The following PDE7B variants were observed in gnomAD, a reference collection of about 807,000 sequenced individuals.
PDE7B encodes the protein 3',5'-cyclic-AMP phosphodiesterase 7B.
In PDE7B, 29 loss-of-function variants were observed where a neutral mutation model predicts 56.2. The ratio of observed to expected loss-of-function variants is 0.52; its 90% CI spans 0.38 to 0.70. PDE7B has a LOEUF of 0.70. Among genes scored for constraint, PDE7B ranks in the 30% least tolerant of loss-of-function variants. PDE7B has a pLI of 0.00. For synonymous variants in PDE7B, 197 were observed against 196.9 expected, an observed-to-expected ratio of 1.00 and a Z score of 0.00; for missense variants, 490 against 565.0, an observed-to-expected ratio of 0.87 and a Z score of 1.35.
intron 2 of PDE7B, among the ~76,000 whole-genome samples, chr6:136,052,210 G>T (rs1776642019): frequency 6.6e-6 from 1 of 152,166 alleles, no homozygotes; most frequent in Non-Finnish European, 1.5e-5. Flanking sequence ...AAAGTAGGAG[G>T]AAAGAGAAGA....
chr6:136,068,810 A>T (rs1331174684), intron 2 of PDE7B, among the ~76,000 whole-genome samples: 2 of 152,126 alleles, frequency 1.3e-5, no homozygotes, highest in Non-Finnish European at 2.9e-5. Context: ...TCTTAATCAC[A>T]CTTTAAAAGG....
chr6:136,048,142 T>C (rs1011380520), intron 2 of PDE7B, among the ~76,000 whole-genome samples: 48 of 151,492 alleles, frequency 3.2e-4, no homozygotes, highest in African/African-American at 1.1e-3. Flanking sequence ...ATATACTAAA[T>C]GTGCATACAC....
chr6:135,851,743 C>G lies in PDE7B; in HGVS notation c.-256C>G. On this transcript the variant is annotated 5_prime_UTR_variant, in exon 1 of 13. Transcript: ENST00000308191. ...CAGCAGGCTCGGCTCTGTCCCAGCA[C>G]TTGTCTGGGAGAAAAGTGGTGTTAC... The G allele has an allele frequency of 4.2e-6, 2 of 473,710 alleles. No individual in the cohort carries two copies. Among genetic ancestry groups the G allele is most frequent in the Non-Finnish European group, 7.5e-6 (2 of 266,074 alleles). 29.3% of individuals were successfully genotyped at this position (473,710 alleles called of 1,614,324 possible).
chr6:136,140,402 C>T (rs1228713406), intron 3 of PDE7B, among the ~76,000 whole-genome samples: 2 of 152,104 alleles, frequency 1.3e-5, no homozygotes, highest in African/African-American at 2.4e-5. Context: ...AGTCAGGTAG[C>T]ATGATGCCTC....
chr6:136,133,641 C>A (rs1778157529), intron 3 of PDE7B, among the ~76,000 whole-genome samples: 1 of 152,068 alleles, frequency 6.6e-6, no homozygotes, highest in African/African-American at 2.4e-5. Flanking sequence ...CAGTAAACAC[C>A]TTTTCGGTAA....
At chr6:135,947,136 G>T (rs1460467758) in intron 1 of PDE7B, among the ~76,000 whole-genome samples, 1 of 152,080 alleles carries the variant, frequency 6.6e-6, no homozygotes. Context: ...ATTAGCCGCA[G>T]ATTATTGGGC....
chr6:136,054,535 C>T lies in PDE7B; in HGVS notation c.83-54196C>T, dbSNP rs761477470. ...TTGGCTTAGGATTGACTTGGCAATG[C>T]GAGCCCTTTTTTGGTTCCATATGAA... On this transcript the variant is annotated intron_variant, in intron 2 of 12. Transcript: ENST00000308191. 3.2e-4 allele frequency among the ~76,000 whole-genome samples: 48 copies of T among 152,134 alleles called. 1 individual carries two copies. The highest frequency in any genetic ancestry group is 4.4e-4 in the Non-Finnish European group (30 of 68,024).
chr6:136,172,559 G>GCA (rs1778906764), intron 8 of PDE7B, among the ~76,000 whole-genome samples: 2 of 152,138 alleles, frequency 1.3e-5, no homozygotes, highest in East Asian at 1.9e-4. Flanking sequence ...AGTAGGTTTT[G>GCA]AAAATTTTCT....
chr6:135,933,523 G>A (rs996802372), intron 1 of PDE7B, among the ~76,000 whole-genome samples: 7 of 152,194 alleles, frequency 4.6e-5, no homozygotes, highest in African/African-American at 1.7e-4. Context: ...CCTTAAATAA[G>A]CTGGTAGGTT....
chr6:135,941,973 C>G (rs1774512708), intron 1 of PDE7B, among the ~76,000 whole-genome samples: 1 of 152,102 alleles, frequency 6.6e-6, no homozygotes, highest in Non-Finnish European at 1.5e-5. Context: ...TTATCTGAAG[C>G]AGAAAAAACA....
At chr6:135,958,354 C>A (rs757508487) in intron 2 of PDE7B, among the ~76,000 whole-genome samples, 24 of 152,270 alleles carry the variant, frequency 1.6e-4, no homozygotes, top group Admixed American at 3.3e-4. Flanking sequence ...TCTTTGTATA[C>A]ATCAAACTGT....
chr6:136,015,292 C>A (rs1033993404), intron 2 of PDE7B, among the ~76,000 whole-genome samples: 1 of 152,172 alleles, frequency 6.6e-6, no homozygotes, highest in African/African-American at 2.4e-5. Context: ...TTTTTGCTTG[C>A]GCAGGCTTAC....
intron 2 of PDE7B, among the ~76,000 whole-genome samples, chr6:136,046,041 A>G (rs909868053): frequency 2.0e-5 from 3 of 152,042 alleles, no homozygotes; most frequent in Non-Finnish European, 2.9e-5. Context: ...CAAGCACTTC[A>G]GAAAACCTGC....
intron 1 of PDE7B, among the ~76,000 whole-genome samples, chr6:135,905,816 G>T (rs1776089838): frequency 6.6e-6 from 1 of 152,186 alleles, no homozygotes; most frequent in Non-Finnish European, 1.5e-5. Flanking sequence ...GGACAGAAAG[G>T]ACTGATTGTG....
intron 2 of PDE7B, among the ~76,000 whole-genome samples, chr6:136,006,380 G>T (rs1775784759): frequency 6.6e-6 from 1 of 151,698 alleles, no homozygotes; most frequent in Non-Finnish European, 1.5e-5. Context: ...AAAATGGATT[G>T]TCTTGGCTAT....
At chr6:136,170,185 A>C (rs551684508) in intron 8 of PDE7B, among the ~76,000 whole-genome samples, 1 of 152,290 alleles carries the variant, frequency 6.6e-6, no homozygotes, top group African/African-American at 2.4e-5. Flanking sequence ...GCTCAGATAC[A>C]GTAGGGGCAT....
At chr6:135,969,106 G>A (rs577789483) in intron 2 of PDE7B, among the ~76,000 whole-genome samples, 1 of 152,032 alleles carries the variant, frequency 6.6e-6, no homozygotes, top group Non-Finnish European at 1.5e-5. Context: ...TGGACACATC[G>A]AGGGGAACAA....
chr6:135,954,700 T>A (rs1340886924), intron 2 of PDE7B, among the ~76,000 whole-genome samples: 2 of 152,194 alleles, frequency 1.3e-5, no homozygotes, highest in East Asian at 3.8e-4. Context: ...CCCATTATTT[T>A]GTCTTCTGTT....
intron 1 of PDE7B, among the ~76,000 whole-genome samples, chr6:135,893,560 T>C (rs552005491): frequency 8.5e-5 from 13 of 152,272 alleles, no homozygotes; most frequent in African/African-American, 3.1e-4. Context: ...TTTACACTGT[T>C]GGTGGGACTG....
Sources: gnomAD v4.1 joint callset for allele counts (sites outside exome capture counted in the v4.1 genomes callset) on GRCh38, gnomAD v4.1.1 for gene constraint, MANE v1.5 for transcripts, NCBI Gene and HGNC (gene_info 2026-07-23, HGNC 2026-07-21) for gene names.